SLC7A1: variants seen among roughly 807,000 people sequenced by gnomAD.
SLC7A1 encodes the protein solute carrier family 7 member 1, also known as high affinity cationic amino acid transporter 1.
A neutral mutation model predicts 53.9 loss-of-function variants in SLC7A1; 10 were observed. That is an observed-to-expected ratio of 0.19 (90% confidence interval 0.11 to 0.31). The LOEUF (loss-of-function observed/expected upper bound fraction) is 0.31, where lower values mean the gene tolerates loss of function less well. SLC7A1 is among the 10% of genes least tolerant of loss of function. The probability of loss-of-function intolerance (pLI) is 1.00; values close to 1 mark genes in which losing one functional copy is unlikely to be tolerated. For synonymous variants in SLC7A1, 342 were observed against 338.7 expected, an observed-to-expected ratio of 1.01 and a Z score of -0.11; for missense variants, 525 against 827.2, an observed-to-expected ratio of 0.63 and a Z score of 4.48.
intron 1 of SLC7A1, among the ~76,000 whole-genome samples, chr13:29,583,841 G>T (rs1165413748): frequency 6.6e-6 from 1 of 152,326 alleles, no homozygotes; most frequent in Non-Finnish European, 1.5e-5. Flanking sequence ...ACTAATGAGT[G>T]CTCTTGCTTA....
intron 1 of SLC7A1, among the ~76,000 whole-genome samples, chr13:29,557,377 C>G (rs1296528448): frequency 6.6e-6 from 1 of 152,036 alleles, no homozygotes; most frequent in Non-Finnish European, 1.5e-5. Flanking sequence ...TGTGAACATC[C>G]TGGAGTGTAC....
chr13:29,588,169 A>T (rs1319955207), intron 1 of SLC7A1, among the ~76,000 whole-genome samples: 1 of 152,204 alleles, frequency 6.6e-6, no homozygotes, highest in Non-Finnish European at 1.5e-5. Flanking sequence ...GCTATAAAGG[A>T]CATTATGTGG....
intron 2 of SLC7A1, among the ~76,000 whole-genome samples, chr13:29,544,626 A>G (rs1869826027): frequency 6.6e-6 from 1 of 152,084 alleles, no homozygotes; most frequent in Admixed American, 6.6e-5. Context: ...CACAAATCAA[A>G]TAACTTCTAT....
At chr13:29,573,076 T>C (rs991668373) in intron 1 of SLC7A1, among the ~76,000 whole-genome samples, 2 of 151,972 alleles carry the variant, frequency 1.3e-5, no homozygotes, top group African/African-American at 4.8e-5. Flanking sequence ...ACATGAAAAA[T>C]GTAAATGGTT....
rs760480221 is a variant in SLC7A1, at chr13:29,531,256, T to C, written c.530-544A>G. 4.7e-4 allele frequency among the ~76,000 whole-genome samples: 72 copies of C among 152,186 alleles called. 1 individual carries two copies. The highest frequency in any genetic ancestry group is 2.9e-3 in the Admixed American group (44 of 15,276). ...AACCACTAACACACATGGTTCTTCG[T>C]TGGACTCAGTGCATATAAAATAACA... On this transcript the variant is annotated intron_variant, in intron 4 of 12. Coordinates refer to ENST00000380752, the MANE Select transcript of SLC7A1 (RefSeq NM_003045.5).
intron 1 of SLC7A1, among the ~76,000 whole-genome samples, chr13:29,583,676 C>T (rs1450183551): frequency 2.0e-5 from 3 of 152,166 alleles, no homozygotes; most frequent in Non-Finnish European, 4.4e-5. Context: ...ACGGCAATGC[C>T]CTCACCTTGA....
chr13:29,525,867 C>T (rs114205653), intron 5 of SLC7A1, among the ~76,000 whole-genome samples: 3,169 of 152,288 alleles, frequency 0.021, 95 homozygotes, highest in African/African-American at 0.073. Flanking sequence ...TCAGCAGGGC[C>T]GCAGGACAGC....
chr13:29,538,940 A>G (rs1044502938), intron 2 of SLC7A1, among the ~76,000 whole-genome samples: 2 of 152,132 alleles, frequency 1.3e-5, no homozygotes, highest in African/African-American at 4.8e-5. Flanking sequence ...TAGGGGATGC[A>G]CAGACAGTGC....
At chr13:29,526,113 C>T (rs991307675) in intron 5 of SLC7A1, among the ~76,000 whole-genome samples, 28 of 152,316 alleles carry the variant, frequency 1.8e-4, no homozygotes, top group Admixed American at 9.1e-4. Flanking sequence ...TGCCCTGTGG[C>T]GGCCAGGGTG....
At chr13:29,516,030 C>T (rs1303379779) in intron 12 of SLC7A1, 108 bp downstream of exon 12, 5 of 649,340 alleles carry the variant, frequency 7.7e-6, no homozygotes, top group South Asian at 2.1e-5. Flanking sequence ...GCATTATCTT[C>T]GAGAAAGCTG....
intron 8 of SLC7A1, among the ~76,000 whole-genome samples, chr13:29,520,258 G>T (rs1419257648): frequency 2.6e-5 from 4 of 152,160 alleles, no homozygotes; most frequent in African/African-American, 9.6e-5. Context: ...ACTCACTATT[G>T]AACAGGGCAG....
At position 29,523,297 on chromosome 13, in the gene SLC7A1, C is replaced by T; in HGVS notation, c.1018G>A (p.Ala340Thr). The change falls in exon 7 of 13, where the codon GCC becomes ACC. Residue 340 changes from alanine to threonine, a missense_variant. Transcript: ENST00000380752. Reference sequence around the variant, plus strand: ...GAAAGAGCGCAGAGGGAGCCCACGGCCACTGCGTACTTGGCACCTTCCCAG... The same window carrying T: ...GAAAGAGCGCAGAGGGAGCCCACGGTCACTGCGTACTTGGCACCTTCCCAG... ...VGWEGAKYAVAVGSLCALSAS... is the reference protein window; with the variant it reads ...VGWEGAKYAVTVGSLCALSAS... 6.2e-7 allele frequency: 1 copy of T among 1,613,640 alleles called. No individual in the cohort carries two copies. Among genetic ancestry groups the T allele is most frequent in the Non-Finnish European group, 8.5e-7 (1 of 1,179,988 alleles).
chr13:29,573,309 G>C (rs930720513), intron 1 of SLC7A1, among the ~76,000 whole-genome samples: 1 of 152,150 alleles, frequency 6.6e-6, no homozygotes, highest in East Asian at 1.9e-4. Context: ...AATCTGAAAC[G>C]AGGAACTTGG....
intron 2 of SLC7A1, among the ~76,000 whole-genome samples, chr13:29,539,139 T>C (rs189428946): frequency 1.1e-4 from 16 of 152,256 alleles, no homozygotes; most frequent in African/African-American, 3.9e-4. Flanking sequence ...TGCCTTTCTC[T>C]GTCCTGGGCT....
intron 1 of SLC7A1, among the ~76,000 whole-genome samples, chr13:29,555,141 G>A (rs914479464): frequency 2.6e-5 from 4 of 151,112 alleles, no homozygotes; most frequent in Non-Finnish European, 3.0e-5. Context: ...GGCGGATCAC[G>A]AGGTCAGGAG....
intron 1 of SLC7A1, among the ~76,000 whole-genome samples, chr13:29,591,704 G>A (rs151270466): frequency 6.6e-6 from 1 of 152,176 alleles, no homozygotes; most frequent in South Asian, 2.1e-4. Flanking sequence ...AAAAGGGAGG[G>A]GGGCAAGGGG....
At chr13:29,572,499 G>A (rs73454211) in intron 1 of SLC7A1, among the ~76,000 whole-genome samples, 2,007 of 152,286 alleles carry the variant, frequency 0.013, 46 homozygotes, top group African/African-American at 0.046. Flanking sequence ...GGACTAGAAC[G>A]AAAAGCAAGA....
Position 29,517,062 on chromosome 13 carries a change from C to T in SLC7A1, c.1677+82G>A, listed in dbSNP as rs1312716998. 1.1e-5 allele frequency: 15 copies of T among 1,383,386 alleles called. No homozygotes were observed. The East Asian group carries it at 1.5e-4, about 14-fold the overall frequency. 85.7% of individuals were successfully genotyped at this position (1,383,386 alleles called of 1,614,324 possible). On this transcript the variant is annotated intron_variant, in intron 11 of 12. Coordinates refer to ENST00000380752, the MANE Select transcript of SLC7A1 (RefSeq NM_003045.5). The stretch of plus-strand genomic sequence containing the variant: ...CTTCCTCGGGAGCACCCAGGCCCGG[C>T]TGAGCCCACGCAGGGCTGGCCAGGC...
intron 5 of SLC7A1, among the ~76,000 whole-genome samples, chr13:29,525,476 T>G (rs923335365): frequency 1.3e-5 from 2 of 152,192 alleles, no homozygotes; most frequent in African/African-American, 4.8e-5. Context: ...AACACTGACA[T>G]CCCTCAGGTT....
Sources: gnomAD v4.1 joint callset for allele counts (sites outside exome capture counted in the v4.1 genomes callset) on GRCh38, gnomAD v4.1.1 for gene constraint, MANE v1.5 for transcripts, NCBI Gene and HGNC (gene_info 2026-07-23, HGNC 2026-07-21) for gene names.